Variants in ARMH3 observed in about 807,000 individuals in gnomAD.
ARMH3 encodes the protein armadillo-like helical domain-containing protein 3.
Under a neutral mutation model 99.1 loss-of-function variants are expected in ARMH3, and 60 were observed. The ratio of observed to expected loss-of-function variants is 0.61; its 90% CI spans 0.49 to 0.75. ARMH3 has a LOEUF of 0.75. ARMH3 is among the 30% of genes least tolerant of loss of function. The pLI is 0.00. For synonymous variants in ARMH3, 285 were observed against 292.8 expected (o/e 0.97, Z 0.27); for missense variants, 679 against 843.1 (o/e 0.81, Z 2.41).
chr10:101,971,022 A>G (rs1268346524), intron 20 of ARMH3, among the ~76,000 whole-genome samples: 1 of 146,416 alleles, frequency 6.8e-6, no homozygotes, highest in Non-Finnish European at 1.5e-5. Flanking sequence ...ACTTGAGCCC[A>G]GGAGACAGAG....
At chr10:101,990,075 T>C (rs535349488) in intron 19 of ARMH3, among the ~76,000 whole-genome samples, 22 of 152,316 alleles carry the variant, frequency 1.4e-4, no homozygotes, top group African/African-American at 5.3e-4. Context: ...TTGTGCTTAT[T>C]ACCTCTTCTG....
intron 24 of ARMH3, among the ~76,000 whole-genome samples, chr10:101,877,099 C>G (rs2067287456): frequency 3.3e-5 from 5 of 152,074 alleles, no homozygotes; most frequent in Admixed American, 2.6e-4. Flanking sequence ...GTCCCAGCTA[C>G]TCAGCTGGGA....
At chr10:102,002,561 T>G (rs575917587) in intron 14 of ARMH3, among the ~76,000 whole-genome samples, 1 of 152,022 alleles carries the variant, frequency 6.6e-6, no homozygotes, top group African/African-American at 2.4e-5. Context: ...GTACCCATGA[T>G]AGAGAGGGGA....
chr10:101,962,867 C>T (rs759762272), intron 20 of ARMH3, among the ~76,000 whole-genome samples: 4 of 152,140 alleles, frequency 2.6e-5, no homozygotes, highest in Admixed American at 6.6e-5. Context: ...TCTATATTTG[C>T]CACCAAAAAC....
chr10:102,009,496 G>A (rs755602451), intron 12 of ARMH3, 47 bp from the exon 13 acceptor site: 33 of 1,436,936 alleles, frequency 2.3e-5, no homozygotes, highest in Admixed American at 1.7e-5. Flanking sequence ...AGTGGGGGGA[G>A]TTAAAACAGT....
At chr10:101,900,834 A>T (rs1260644938) in intron 23 of ARMH3, among the ~76,000 whole-genome samples, 2 of 152,072 alleles carry the variant, frequency 1.3e-5, no homozygotes, top group Admixed American at 6.5e-5. Flanking sequence ...AATTTTTTTT[A>T]AATTAGCCAG....
chr10:101,988,398 C>G (rs1411499459), intron 19 of ARMH3, among the ~76,000 whole-genome samples: 1 of 152,014 alleles, frequency 6.6e-6, no homozygotes, highest in Non-Finnish European at 1.5e-5. Context: ...AATCTGAACC[C>G]TAAGATAATG....
chr10:101,909,150 T>C (rs1842765601), intron 23 of ARMH3, among the ~76,000 whole-genome samples: 1 of 151,722 alleles, frequency 6.6e-6, no homozygotes, highest in South Asian at 2.1e-4. Context: ...CTCACTCCTA[T>C]AATCCCAGCA....
chr10:102,012,759 G>A, intron 10 of ARMH3, 74 bp downstream of exon 10: 2 of 1,422,408 alleles, frequency 1.4e-6, no homozygotes, highest in Non-Finnish European at 1.9e-6. Flanking sequence ...TTTGACCCAA[G>A]AACTCTAACA....
At chr10:101,948,092 C>T (rs1329491865) in intron 22 of ARMH3, among the ~76,000 whole-genome samples, 1 of 152,088 alleles carries the variant, frequency 6.6e-6, no homozygotes, top group Non-Finnish European at 1.5e-5. Context: ...CTGAAAGAAA[C>T]TATATTGATT....
Position 101,927,148 on chromosome 10 carries a change from C to T in ARMH3, c.1781+12715G>A, listed in dbSNP as rs955232559. 5.9e-5 allele frequency among the ~76,000 whole-genome samples: 9 copies of T among 152,176 alleles called. No individual in the cohort carries two copies. The South Asian group carries it at 1.9e-3, about 32-fold the overall frequency. On this transcript the variant is annotated intron_variant, in intron 23 of 25. Transcript: ENST00000370033. Reference sequence around the variant, plus strand: ...ATTAAAAGCTTAGCAGAATAAAAGGCATATGTCAGATGGCTCACTTCAGAC... The same window carrying T: ...ATTAAAAGCTTAGCAGAATAAAAGGTATATGTCAGATGGCTCACTTCAGAC...
intron 5 of ARMH3, among the ~76,000 whole-genome samples, chr10:102,026,671 G>A (rs2067008192): frequency 6.6e-6 from 1 of 152,174 alleles, no homozygotes; most frequent in South Asian, 2.1e-4. Flanking sequence ...ATAAGCCTGG[G>A]GAAGTAAATA....
chr10:101,920,026 A>G (rs1364664757), intron 23 of ARMH3, among the ~76,000 whole-genome samples: 1 of 152,200 alleles, frequency 6.6e-6, no homozygotes, highest in African/African-American at 2.4e-5. Flanking sequence ...GATCAGGCCC[A>G]ACCAATATCC....
intron 24 of ARMH3, among the ~76,000 whole-genome samples, chr10:101,873,007 TA>T (rs1271731509): frequency 3.3e-5 from 5 of 151,562 alleles, no homozygotes; most frequent in African/African-American, 1.2e-4. Flanking sequence ...ACCCAATGGC[TA>T]AAATTAAAGA....
At position 102,013,885 on chromosome 10, in the gene ARMH3, C is replaced by T; in HGVS notation, c.726+83G>A. ...GAAATTGACAGAATAGCTCTCTGCT[C>T]TCTGTTCTAAATGTACTTTCACTGA... On this transcript the variant is annotated intron_variant, in intron 9 of 25. Coordinates refer to ENST00000370033, the MANE Select transcript of ARMH3 (RefSeq NM_024541.3). The T allele has an allele frequency of 5.9e-6, 7 of 1,180,304 alleles. No individual in the cohort carries two copies. The South Asian group carries it at 1.0e-4, about 17-fold the overall frequency. 73.1% of individuals were successfully genotyped at this position (1,180,304 alleles called of 1,614,324 possible).
intron 22 of ARMH3, among the ~76,000 whole-genome samples, chr10:101,953,797 T>C (rs1042328503): frequency 2.0e-5 from 3 of 152,138 alleles, no homozygotes; most frequent in Non-Finnish European, 4.4e-5. Flanking sequence ...AAATAGAACA[T>C]GCATTTTGGA....
In ARMH3 at chr10:101,846,037, T is replaced by C. The variant is rs748364694; in HGVS notation, c.*1491A>G. The C allele has an allele frequency of 2.6e-5, 4 of 152,228 alleles. No homozygotes were observed. The highest frequency in any genetic ancestry group is 4.4e-5 in the Non-Finnish European group (3 of 68,070). The allele number at this position is 152,228 out of a possible 1,614,324, so 9.4% of individuals were successfully genotyped here. A position where few individuals can be genotyped will look rare whatever the true frequency, so the allele number is the denominator to read the frequency against. On this transcript the variant is annotated 3_prime_UTR_variant, in exon 26 of 26. Coordinates refer to ENST00000370033, the MANE Select transcript of ARMH3 (RefSeq NM_024541.3). ...GCAGCAGCTATTTCAGAGGCAGCTG[T>C]TGGGAAAGCCTATAGTGGTTCCATG...
In ARMH3 at chr10:101,985,192, GTGTATATATATACGTATATA is replaced by G. The variant is rs562048897; in HGVS notation, c.1406+5339_1406+5358del. Among the ~76,000 whole-genome samples, 1,333 of 145,344 alleles carry G rather than the reference GTGTATATATATACGTATATA, an allele frequency of 9.2e-3. 25 individuals are homozygous for G. Among genetic ancestry groups the G allele is most frequent in the African/African-American group, 0.031 (1,235 of 39,256 alleles). ...TGTACACATATATGAATATATATGTGTGTATATATATACGTATATATGTATATATATACGTATATACATGT... is the reference window on the plus strand; with the variant it reads ...TGTACACATATATGAATATATATGTGTGTATATATATACGTATATACATGT... On this transcript the variant is annotated intron_variant, in intron 19 of 25. Transcript: ENST00000370033.
chr10:101,988,831 G>A (rs1281645733), intron 19 of ARMH3, among the ~76,000 whole-genome samples: 1 of 149,426 alleles, frequency 6.7e-6, no homozygotes, highest in Non-Finnish European at 1.5e-5. Context: ...GCTGAGGCAG[G>A]TGAATCACTT....
Sources: allele counts gnomAD v4.1 joint callset (sites outside exome capture counted in the v4.1 genomes callset), GRCh38; gene constraint gnomAD v4.1.1; transcripts MANE v1.5; gene names NCBI Gene and HGNC (gene_info 2026-07-23, HGNC 2026-07-21).